The following NAALADL2 variants were observed in gnomAD, a reference collection of about 807,000 sequenced individuals.
NAALADL2 encodes the protein inactive N-acetylated-alpha-linked acidic dipeptidase-like protein 2.
In NAALADL2, 76 loss-of-function variants were observed where a neutral mutation model predicts 87.2. The ratio of observed to expected loss-of-function variants is 0.87; its 90% CI spans 0.72 to 1.05. The LOEUF (loss-of-function observed/expected upper bound fraction) is 1.05. Ranked by LOEUF, NAALADL2 falls within the 50% of genes least tolerant of loss-of-function variation. The probability of loss-of-function intolerance (pLI) is 0.00; values close to 1 mark genes in which losing one functional copy is unlikely to be tolerated. For synonymous variants in NAALADL2, 354 were observed against 331.0 expected, an observed-to-expected ratio of 1.07 and a Z score of -0.75; for missense variants, 1,089 against 945.8, an observed-to-expected ratio of 1.15 and a Z score of -1.99.
intron 2 of NAALADL2, among the ~76,000 whole-genome samples, chr3:175,157,440 C>G (rs1560101024): frequency 6.6e-6 from 1 of 151,988 alleles, no homozygotes. Context: ...TTAACAGATA[C>G]AGTATTTGTA....
intron 1 of NAALADL2, among the ~76,000 whole-genome samples, chr3:175,026,063 G>A (rs1057285303): frequency 9.9e-5 from 15 of 151,924 alleles, no homozygotes; most frequent in African/African-American, 3.6e-4. Context: ...CACTTGCCTT[G>A]GCCTCCCAAA....
At chr3:175,220,805 T>A (rs1474878966) in intron 2 of NAALADL2, among the ~76,000 whole-genome samples, 1 of 152,232 alleles carries the variant, frequency 6.6e-6, no homozygotes, top group Non-Finnish European at 1.5e-5. Flanking sequence ...CTTTCATTTT[T>A]AAAAAATACA....
intron 2 of NAALADL2, among the ~76,000 whole-genome samples, chr3:174,732,978 A>G (rs1305355070): frequency 1.3e-5 from 2 of 152,190 alleles, no homozygotes; most frequent in Admixed American, 6.5e-5. Flanking sequence ...CCAAAGAATT[A>G]TACCATTTTG....
At chr3:174,855,810 A>G (rs1281001378), upstream of NAALADL2, among the ~76,000 whole-genome samples, 1 of 148,414 alleles carries the variant, frequency 6.7e-6, no homozygotes, top group Non-Finnish European at 1.5e-5. Context: ...ACACACACAC[A>G]CACACACACA....
rs1041492839 is a variant in NAALADL2, at chr3:175,387,313, T to G, written c.1091-59916T>G. Among the ~76,000 whole-genome samples, 3 of 152,220 alleles carry G rather than the reference T, an allele frequency of 2.0e-5. No individual in the cohort carries two copies. In the East Asian group the frequency reaches 5.8e-4, roughly 29 times the overall value. ...GTATTTCATAAGAGTATTACAAAAT[T>G]AAAGTGTTTTATTTTTATCATTCCT... On this transcript the variant is annotated intron_variant, in intron 5 of 13. Transcript: ENST00000454872.
intron 3 of NAALADL2, among the ~76,000 whole-genome samples, chr3:174,748,338 T>TA (rs1734484929): frequency 7.4e-6 from 1 of 135,622 alleles, no homozygotes; most frequent in African/African-American, 2.7e-5. Context: ...TTTTTTTTTT[T>TA]TTTTAAAAAG....
chr3:175,306,171 T>C (rs1032714800), intron 4 of NAALADL2, among the ~76,000 whole-genome samples: 4 of 152,162 alleles, frequency 2.6e-5, no homozygotes, highest in African/African-American at 9.7e-5. Flanking sequence ...TGATTTTATG[T>C]GCCCATCCAA....
chr3:175,470,891 G>C (rs1724761406), intron 8 of NAALADL2, among the ~76,000 whole-genome samples: 1 of 152,130 alleles, frequency 6.6e-6, no homozygotes, highest in South Asian at 2.1e-4. Flanking sequence ...TGGTAACACA[G>C]GGTTATTTTG....
At chr3:175,100,963 G>C (rs933618937) in intron 2 of NAALADL2, among the ~76,000 whole-genome samples, 1 of 152,102 alleles carries the variant, frequency 6.6e-6, no homozygotes, top group Admixed American at 6.6e-5. Context: ...TTGGAGAGGG[G>C]AGAAGCTTGA....
intron 11 of NAALADL2, among the ~76,000 whole-genome samples, chr3:175,735,393 T>A (rs13065033): frequency 1.3e-5 from 2 of 152,216 alleles, no homozygotes; most frequent in African/African-American, 2.4e-5. Context: ...AGTTCCAAAG[T>A]TGCTTCCACA....
rs896988688 is a variant in NAALADL2 at position 174,475,119 on chromosome 3, C to G, written c.-184+34087C>G. Among the ~76,000 whole-genome samples the G allele has an allele frequency of 4.0e-5, 6 of 150,878 alleles. No homozygotes were observed. In the East Asian group the frequency reaches 1.2e-3, roughly 29 times the overall value. On this transcript the variant is annotated intron_variant, in intron 1 of 3. Transcript: ENST00000434257. ...CCTAAATGATTAGAGAAAAATAGGT[C>G]CCAACTGGAAATAGTAAAATAAAAA...
intron 1 of NAALADL2, among the ~76,000 whole-genome samples, chr3:174,925,957 G>T (rs1265316241): frequency 6.6e-6 from 1 of 152,052 alleles, no homozygotes; most frequent in African/African-American, 2.4e-5. Context: ...TAAAAACCTT[G>T]AAAAAAGATT....
At chr3:175,255,434 ATT>A (rs148097030) in intron 3 of NAALADL2, among the ~76,000 whole-genome samples, 1 of 151,880 alleles carries the variant, frequency 6.6e-6, no homozygotes, top group Non-Finnish European at 1.5e-5. Flanking sequence ...CTCCATCTTT[ATT>A]TTTTTCATGA....
intron 1 of NAALADL2, among the ~76,000 whole-genome samples, chr3:174,979,527 C>G (rs1209799666): frequency 4.0e-5 from 6 of 151,612 alleles, no homozygotes; most frequent in Non-Finnish European, 7.4e-5. Flanking sequence ...GGATGGTCTC[C>G]ATCTGCTGGC....
Position 174,624,367 on chromosome 3 carries a change from T to C in NAALADL2, c.-115+73730T>C, listed in dbSNP as rs151074529. Among the ~76,000 whole-genome samples, 69 of 152,282 alleles carry C rather than the reference T, an allele frequency of 4.5e-4. 2 individuals carry two copies. The East Asian group carries it at 8.5e-3, about 19-fold the overall frequency. On this transcript the variant is annotated intron_variant, in intron 2 of 3. Coordinates refer to the NAALADL2 transcript ENST00000434257. ...GGCCGGGCGCGGTGGCTCACGCCTGTAATTCCAGCAGTTTGGGAGGCGGAG... is the reference window on the plus strand; with the variant it reads ...GGCCGGGCGCGGTGGCTCACGCCTGCAATTCCAGCAGTTTGGGAGGCGGAG...
intron 2 of NAALADL2, among the ~76,000 whole-genome samples, chr3:174,574,226 A>G (rs1237139283): frequency 1.3e-5 from 2 of 151,268 alleles, no homozygotes; most frequent in Non-Finnish European, 2.9e-5. Flanking sequence ...AAATTCAAGA[A>G]GAGGGAATTT....
chr3:175,379,923 A>C (rs1767595060), intron 5 of NAALADL2, among the ~76,000 whole-genome samples: 1 of 152,174 alleles, frequency 6.6e-6, no homozygotes, highest in African/African-American at 2.4e-5. Context: ...AAATACTGAC[A>C]TCATTCTCAG....
rs1384522894 is a variant in NAALADL2, at chr3:175,145,043, T to C, written c.545+47752T>C. ...TTCCTTGATTTGATGTATTGCTTTT[T>C]CACACTTACAAATTTTAAATATTTA... On this transcript the variant is annotated intron_variant, in intron 2 of 13. Transcript: ENST00000454872. 2.0e-5 allele frequency among the ~76,000 whole-genome samples: 3 copies of C among 152,024 alleles called. No individual in the cohort carries two copies. The East Asian group carries it at 5.8e-4, about 29-fold the overall frequency.
At chr3:175,203,481 A>T (rs1295029831) in intron 2 of NAALADL2, among the ~76,000 whole-genome samples, 3 of 152,162 alleles carry the variant, frequency 2.0e-5, no homozygotes, top group Non-Finnish European at 4.4e-5. Context: ...AGGAGCACTC[A>T]TAGTGTTTGG....
Sources: gnomAD v4.1 joint callset for allele counts (sites outside exome capture counted in the v4.1 genomes callset) on GRCh38, gnomAD v4.1.1 for gene constraint, MANE v1.5 for transcripts, NCBI Gene and HGNC (gene_info 2026-07-23, HGNC 2026-07-21) for gene names.